The following TUBB8 variants were observed in gnomAD, a reference collection of about 807,000 sequenced individuals.
TUBB8 encodes the protein tubulin beta 8 class VIII.
In TUBB8, 25 loss-of-function variants were observed where a neutral mutation model predicts 33.7. That is an observed-to-expected ratio of 0.74 (90% CI 0.54 to 1.04). TUBB8 has a LOEUF of 1.04. Ranked by LOEUF, TUBB8 falls within the 50% of genes least tolerant of loss-of-function variation. The pLI is 0.00. For synonymous variants in TUBB8, 245 were observed against 240.1 expected (o/e 1.02, Z -0.19); for missense variants, 279 against 608.0 (o/e 0.46, Z 5.69).
upstream of TUBB8, among the ~76,000 whole-genome samples, chr10:74,894 G>GGGGGT (rs1834790556): frequency 8.8e-6 from 1 of 113,648 alleles, no homozygotes; most frequent in Non-Finnish European, 1.8e-5. Flanking sequence ...TTTTTTTTGA[G>GGGGGT]ACGGAGTTTC....
At chr10:59,310 T>G (rs1588277311) in intron 1 of TUBB8, among the ~76,000 whole-genome samples, 1 of 152,300 alleles carries the variant, frequency 6.6e-6, no homozygotes, top group East Asian at 1.9e-4. Flanking sequence ...TGCCTCAGCC[T>G]TCCAAGTAGC....
At chr10:53,502 C>T (rs1437642142), upstream of TUBB8, among the ~76,000 whole-genome samples, 19 of 152,114 alleles carry the variant, frequency 1.2e-4, no homozygotes, top group African/African-American at 4.1e-4. Flanking sequence ...GATCATGAGC[C>T]TAAAGTAGAA....
At chr10:74,324 G>GA (rs2130955525), upstream of TUBB8, among the ~76,000 whole-genome samples, 1 of 151,640 alleles carries the variant, frequency 6.6e-6, no homozygotes, top group African/African-American at 2.4e-5. Flanking sequence ...CCCTTGACCG[G>GA]AACGCATGGA....
chr10:53,051 A>T (rs1554739805), upstream of TUBB8, among the ~76,000 whole-genome samples: 1 of 152,238 alleles, frequency 6.6e-6, no homozygotes, highest in African/African-American at 2.4e-5. Flanking sequence ...AGTAAACAAA[A>T]TGATTATAGT....
upstream of TUBB8, among the ~76,000 whole-genome samples, chr10:50,845 T>G (rs114234733): frequency 7.4e-6 from 1 of 134,520 alleles, no homozygotes; most frequent in African/African-American, 3.0e-5. Flanking sequence ...AATAGCATAT[T>G]TAGCCCTCCT....
At chr10:73,194 G>A (rs1358707667) in intron 1 of TUBB8, among the ~76,000 whole-genome samples, 1 of 151,546 alleles carries the variant, frequency 6.6e-6, no homozygotes, top group Admixed American at 6.6e-5. Flanking sequence ...GCACACAATG[G>A]TGTTTTTGGT....
At chr10:74,625 C>CAAAAAAAAA (rs35723619), upstream of TUBB8, among the ~76,000 whole-genome samples, 3 of 89,670 alleles carry the variant, frequency 3.3e-5, no homozygotes, top group East Asian at 3.3e-4. Context: ...GACTCAGTAT[C>CAAAAAAAAA]AAAAAAAAAA....
chr10:72,429 A>G (rs1486431147), intron 1 of TUBB8, among the ~76,000 whole-genome samples: 3 of 150,872 alleles, frequency 2.0e-5, no homozygotes, highest in Admixed American at 6.6e-5. Flanking sequence ...GTGGTGATGC[A>G]GGCCTGGAAT....
At chr10:63,082 A>ATTTTT (rs34751761) in intron 1 of TUBB8, among the ~76,000 whole-genome samples, 164 of 144,828 alleles carry the variant, frequency 1.1e-3, no homozygotes, top group Middle Eastern at 3.6e-3. Flanking sequence ...TAAATGTTTA[A>ATTTTT]TTTTTTTTTT....
chr10:62,652 T>C (rs1386666926), intron 1 of TUBB8, among the ~76,000 whole-genome samples: 1 of 152,272 alleles, frequency 6.6e-6, no homozygotes, highest in Non-Finnish European at 1.5e-5. Context: ...GAACTCCCTT[T>C]AGCATTTCTT....
At chr10:64,493 AACCCTC>A (rs1164300749) in intron 1 of TUBB8, among the ~76,000 whole-genome samples, 117 of 87,840 alleles carry the variant, frequency 1.3e-3, no homozygotes, top group Admixed American at 4.0e-3. Flanking sequence ...CCCTAACCCT[AACCCTC>A]ACCCTCACCC....
chr10:49,339 C>T (rs1363844069), upstream of TUBB8: 8 of 1,223,138 alleles, frequency 6.5e-6, no homozygotes, highest in Non-Finnish European at 8.2e-6. Flanking sequence ...GCCCCGCGCC[C>T]ACCTCCCTCC....
chr10:54,619 A>G (rs1429933566), intron 1 of TUBB8, among the ~76,000 whole-genome samples: 2 of 152,166 alleles, frequency 1.3e-5, no homozygotes, highest in Non-Finnish European at 2.9e-5. Flanking sequence ...TGCCACTTGT[A>G]TGTCTTATTT....
chr10:60,539 C>T (rs1258147611), intron 1 of TUBB8, among the ~76,000 whole-genome samples: 2 of 152,182 alleles, frequency 1.3e-5, no homozygotes, highest in African/African-American at 4.8e-5. Context: ...ACATCTCACA[C>T]CAGTTAGAAT....
upstream of TUBB8, among the ~76,000 whole-genome samples, chr10:51,915 T>G (rs534806601): frequency 2.4e-4 from 37 of 152,242 alleles, no homozygotes; most frequent in African/African-American, 7.9e-4. Context: ...AAAGCTAAAC[T>G]GTTTGGGGCC....
chr10:47,758 A>C lies in TUBB8; in HGVS notation c.634T>G (p.Ser212Ala). 6.2e-7 allele frequency: 1 copy of C among 1,613,892 alleles called. No individual in the cohort carries two copies. The highest frequency in any genetic ancestry group is 1.1e-5 in the South Asian group (1 of 91,062). The change falls in exon 4 of 4, where the codon TCC becomes GCC. Residue 212 changes from serine (S) to alanine (A), a missense_variant. This residue lies in a region of TUBB8 where 96 missense variants were observed against 233.7 expected (regional missense o/e 0.41). Transcript: ENST00000568584. ...GGTGTGGGCAGTTTTAGGGTCTTGG[A>C]ACATATGTCATACAGAGCTTCGTTA... ...IDNEALYDIC[S>A]KTLKLPTPTY...
At position 54,412 on chromosome 10, in the gene TUBB8, G is replaced by A. The variant is rs1834504935; in HGVS notation, c.-845-4179C>T. Among the ~76,000 whole-genome samples the A allele has an allele frequency of 2.0e-5, 3 of 151,246 alleles. No individual in the cohort carries two copies. The South Asian group carries it at 6.4e-4, about 32-fold the overall frequency. Reference sequence around the variant, plus strand: ...CTGAATAGTACTCCATTGTGTATATGTACCACATTTTCTCTATCCAGTCAT... The same window carrying A: ...CTGAATAGTACTCCATTGTGTATATATACCACATTTTCTCTATCCAGTCAT... On this transcript the variant is annotated intron_variant, in intron 1 of 3. Coordinates refer to the TUBB8 transcript ENST00000564130.
intron 1 of TUBB8, among the ~76,000 whole-genome samples, chr10:72,678 C>T (rs1336946249): frequency 6.6e-6 from 1 of 152,036 alleles, no homozygotes; most frequent in Non-Finnish European, 1.5e-5. Context: ...TGGTGAAACC[C>T]CATCTCTACT....
At chr10:51,656 T>C (rs868951215), upstream of TUBB8, among the ~76,000 whole-genome samples, 4 of 152,218 alleles carry the variant, frequency 2.6e-5, no homozygotes, top group South Asian at 2.1e-4. Flanking sequence ...GCTGGGTTTA[T>C]GGCTTGGCAG....
Sources: gnomAD v4.1 joint callset for allele counts (sites outside exome capture counted in the v4.1 genomes callset) on GRCh38, gnomAD v4.1.1 for gene constraint, gnomAD v4.1.1 regional missense constraint, MANE v1.5 for transcripts, NCBI Gene and HGNC (gene_info 2026-07-23, HGNC 2026-07-21) for gene names.